Variants in STK32C observed in about 807,000 individuals in gnomAD.
The protein encoded by STK32C is serine/threonine-protein kinase 32C.
In STK32C, 31 loss-of-function variants were observed where a neutral mutation model predicts 56.5. That is an observed-to-expected ratio of 0.55 (90% CI 0.41 to 0.74). The LOEUF (loss-of-function observed/expected upper bound fraction) is 0.74, where lower values mean the gene tolerates loss of function less well. Among genes scored for constraint, STK32C ranks in the 30% least tolerant of loss-of-function variants. STK32C has a pLI of 0.00. For synonymous variants in STK32C, 309 were observed against 289.4 expected, an observed-to-expected ratio of 1.07 and a Z score of -0.69; for missense variants, 544 against 676.9, an observed-to-expected ratio of 0.80 and a Z score of 2.18.
chr10:132,223,490 C>T (rs118149120), intron 8 of STK32C, among the ~76,000 whole-genome samples: 3 of 152,370 alleles, frequency 2.0e-5, no homozygotes, highest in Non-Finnish European at 4.4e-5. Context: ...AGACCCCGTG[C>T]GAGGTTTCCC....
rs910937845 is a variant in STK32C at position 132,265,322 on chromosome 10, G to A, written c.263-19367C>T. 7.2e-5 allele frequency among the ~76,000 whole-genome samples: 11 copies of A among 152,204 alleles called. 1 individual carries two copies. Among genetic ancestry groups the A allele is most frequent in the Middle Eastern group, 6.3e-3 (2 of 316 alleles). On this transcript the variant is annotated intron_variant, in intron 1 of 11. Coordinates refer to ENST00000298630, the MANE Select transcript of STK32C (RefSeq NM_173575.4). Reference sequence around the variant, plus strand: ...TGCTGGGCACTGGCTCTTCTCCTTCGATGACAGCCCCTGCTCCTCCCTGCC... The same window carrying A: ...TGCTGGGCACTGGCTCTTCTCCTTCAATGACAGCCCCTGCTCCTCCCTGCC...
At chr10:132,259,588 T>C (rs975576702) in intron 1 of STK32C, among the ~76,000 whole-genome samples, 11 of 152,230 alleles carry the variant, frequency 7.2e-5, no homozygotes, top group African/African-American at 2.7e-4. Flanking sequence ...CACTCTCTTC[T>C]ACCTGCTCCA....
chr10:132,298,027 G>A (rs1056403897), intron 1 of STK32C, among the ~76,000 whole-genome samples: 1 of 152,248 alleles, frequency 6.6e-6, no homozygotes, highest in African/African-American at 2.4e-5. Flanking sequence ...GGCTAAACTG[G>A]GGTTAGAGGT....
chr10:132,316,180 C>A (rs899549766), intron 1 of STK32C, among the ~76,000 whole-genome samples: 1 of 151,526 alleles, frequency 6.6e-6, no homozygotes. Context: ...TTTTTATTTG[C>A]CAATTAAAAA....
At chr10:132,261,556 G>C (rs1374626013) in intron 1 of STK32C, among the ~76,000 whole-genome samples, 1 of 152,186 alleles carries the variant, frequency 6.6e-6, no homozygotes, top group Non-Finnish European at 1.5e-5. Flanking sequence ...CCTGAGGTCA[G>C]GAGTTTGAGA....
intron 10 of STK32C, among the ~76,000 whole-genome samples, chr10:132,213,426 G>C (rs780859268): frequency 2.6e-5 from 4 of 152,242 alleles, no homozygotes; most frequent in Non-Finnish European, 5.9e-5. Flanking sequence ...CTGAGGAGGA[G>C]GATTTAGGCA....
intron 2 of STK32C, among the ~76,000 whole-genome samples, chr10:132,242,431 G>C (rs540985571): frequency 6.6e-6 from 1 of 152,112 alleles, no homozygotes; most frequent in African/African-American, 2.4e-5. Context: ...CTGAGGTTGG[G>C]GGGGCTCTCT....
At chr10:132,237,570 A>G (rs545771370) in intron 2 of STK32C, among the ~76,000 whole-genome samples, 35 of 152,328 alleles carry the variant, frequency 2.3e-4, no homozygotes, top group South Asian at 1.2e-3. Flanking sequence ...GTCCCCACGC[A>G]GGGTTTCTTT....
chr10:132,306,098 A>G (rs553565913), intron 1 of STK32C, among the ~76,000 whole-genome samples: 1 of 152,320 alleles, frequency 6.6e-6, no homozygotes, highest in Admixed American at 6.5e-5. Context: ...CACACTGTGA[A>G]CACACAGGGA....
At chr10:132,316,362 G>A (rs1199521331) in intron 1 of STK32C, among the ~76,000 whole-genome samples, 6 of 152,102 alleles carry the variant, frequency 3.9e-5, no homozygotes, top group Admixed American at 2.0e-4. Context: ...CTTGTCACCC[G>A]AGCACTTTAG....
chr10:132,318,382 G>A (rs1005645183), intron 1 of STK32C, among the ~76,000 whole-genome samples: 1 of 152,056 alleles, frequency 6.6e-6, no homozygotes, highest in Admixed American at 6.6e-5. Context: ...TTGGGAGGCC[G>A]AGGCGGGCAG....
downstream of STK32C, among the ~76,000 whole-genome samples, chr10:132,322,272 C>A (rs1474114511): frequency 6.6e-6 from 1 of 152,130 alleles, no homozygotes; most frequent in East Asian, 1.9e-4. Flanking sequence ...TATCTTTTCC[C>A]TATTGAATCA....
At chr10:132,297,762 C>T (rs572139086) in intron 1 of STK32C, among the ~76,000 whole-genome samples, 3 of 152,348 alleles carry the variant, frequency 2.0e-5, no homozygotes, top group Non-Finnish European at 2.9e-5. Flanking sequence ...CGAGACTCCC[C>T]GGCGAAGCCC....
chr10:132,241,412 A>G (rs1409124213), intron 2 of STK32C, among the ~76,000 whole-genome samples: 3 of 152,270 alleles, frequency 2.0e-5, no homozygotes, highest in Non-Finnish European at 2.9e-5. Flanking sequence ...ACGTAACAAC[A>G]TGACATAGAA....
intron 1 of STK32C, chr10:132,330,403 T>G (rs2066630925): frequency 1.4e-6 from 1 of 716,714 alleles, no homozygotes; most frequent in South Asian, 1.5e-5. Context: ...AACACCCATG[T>G]CACTCCTCAT....
At chr10:132,326,114 C>G (rs182188454) in intron 1 of STK32C, among the ~76,000 whole-genome samples, 1 of 152,132 alleles carries the variant, frequency 6.6e-6, no homozygotes, top group African/African-American at 2.4e-5. Context: ...TCTTCAGGAT[C>G]GGGGAGGCCT....
intron 1 of STK32C, among the ~76,000 whole-genome samples, chr10:132,282,688 C>T (rs558546373): frequency 2.0e-5 from 3 of 152,342 alleles, no homozygotes; most frequent in South Asian, 4.1e-4. Context: ...GTCAGCTTGC[C>T]ATTAAGGAAG....
At chr10:132,221,930 CCA>C (rs1164015844) in intron 10 of STK32C, among the ~76,000 whole-genome samples, 3 of 148,682 alleles carry the variant, frequency 2.0e-5, no homozygotes, top group African/African-American at 5.0e-5. Flanking sequence ...GTGGCCATCC[CCA>C]CACACACAAC....
At chr10:132,247,521 G>C (rs2063735457) in intron 1 of STK32C, among the ~76,000 whole-genome samples, 1 of 152,186 alleles carries the variant, frequency 6.6e-6, no homozygotes, top group Non-Finnish European at 1.5e-5. Flanking sequence ...TGGCATCCTG[G>C]GGAGAGGACG....
Sources: allele counts gnomAD v4.1 joint callset (sites outside exome capture counted in the v4.1 genomes callset), GRCh38; gene constraint gnomAD v4.1.1; transcripts MANE v1.5; gene names NCBI Gene and HGNC (gene_info 2026-07-23, HGNC 2026-07-21).